Variants in PAPPA2 observed in about 807,000 individuals in gnomAD.
PAPPA2 encodes the protein pappalysin-2.
PAPPA2 carries 86 observed loss-of-function variants against 176.4 expected under a neutral mutation model. The ratio of observed to expected loss-of-function variants is 0.49; its 90% CI spans 0.41 to 0.58. PAPPA2 has a LOEUF of 0.58. PAPPA2 is among the 20% of genes least tolerant of loss of function. PAPPA2 has a pLI of 0.00. For synonymous variants in PAPPA2, 809 were observed against 852.2 expected (o/e 0.95, Z 0.88); for missense variants, 2,073 against 2,256.9 (o/e 0.92, Z 1.65).
intron 7 of PAPPA2, among the ~76,000 whole-genome samples, chr1:176,698,118 T>C (rs916236273): frequency 6.6e-6 from 1 of 152,110 alleles, no homozygotes; most frequent in African/African-American, 2.4e-5. Context: ...GAAATTGCAA[T>C]GTTTGAACTG....
intron 1 of PAPPA2, among the ~76,000 whole-genome samples, chr1:176,482,749 A>G (rs901035719): frequency 1.3e-5 from 2 of 152,170 alleles, no homozygotes; most frequent in Non-Finnish European, 2.9e-5. Context: ...TAGGGAAATA[A>G]TTCCTCTTTC....
chr1:176,564,879 A>G (rs764305010), intron 2 of PAPPA2, among the ~76,000 whole-genome samples: 3 of 152,052 alleles, frequency 2.0e-5, no homozygotes, highest in Admixed American at 6.5e-5. Flanking sequence ...CTAATTTTAG[A>G]ATATTTTAGT....
chr1:176,508,671 A>G (rs1379197293), intron 1 of PAPPA2, among the ~76,000 whole-genome samples: 1 of 152,180 alleles, frequency 6.6e-6, no homozygotes, highest in African/African-American at 2.4e-5. Flanking sequence ...TCAAATTGTC[A>G]TCCTCACATG....
chr1:176,659,850 A>G (rs1658258057), intron 3 of PAPPA2, among the ~76,000 whole-genome samples: 1 of 152,072 alleles, frequency 6.6e-6, no homozygotes, highest in Non-Finnish European at 1.5e-5. Flanking sequence ...TCATTTCTTA[A>G]CAACTATAAT....
chr1:176,654,204 G>A (rs1012441139), intron 3 of PAPPA2, among the ~76,000 whole-genome samples: 7 of 151,538 alleles, frequency 4.6e-5, no homozygotes, highest in South Asian at 2.1e-4. Flanking sequence ...CATTGAAGTC[G>A]TTAATCCATC....
intron 3 of PAPPA2, among the ~76,000 whole-genome samples, chr1:176,615,138 A>G (rs1266209777): frequency 6.6e-6 from 1 of 152,222 alleles, no homozygotes; most frequent in Non-Finnish European, 1.5e-5. Context: ...TCTGTACAAG[A>G]CAAAGGCAAC....
intron 3 of PAPPA2, among the ~76,000 whole-genome samples, chr1:176,645,014 A>G (rs1054193215): frequency 1.3e-5 from 2 of 151,912 alleles, no homozygotes; most frequent in Admixed American, 6.6e-5. Flanking sequence ...ATAATTAAAT[A>G]TATTCATATA....
rs181978191 is a variant in PAPPA2, at chr1:176,553,989, G to A, written c.-916-1418G>A. On this transcript the variant is annotated intron_variant, in intron 1 of 22. Transcript: ENST00000367662. The stretch of plus-strand genomic sequence containing the variant: ...TCAGAAAGAGAGGGAGAGAGAGAGA[G>A]AAAACTGAGTCAAAAGTAAAGGGAA... 9.2e-5 allele frequency among the ~76,000 whole-genome samples: 14 copies of A among 151,888 alleles called. No individual in the cohort carries two copies. In the East Asian group the frequency reaches 1.8e-3, roughly 19 times the overall value.
chr1:176,774,309 C>T (rs577205327), intron 17 of PAPPA2, among the ~76,000 whole-genome samples: 1 of 152,246 alleles, frequency 6.6e-6, no homozygotes, highest in East Asian at 1.9e-4. Context: ...AGTATCTTCC[C>T]TTAAGGGCCA....
At position 176,631,853 on chromosome 1, in the gene PAPPA2, G is replaced by A. The variant is rs143432382; in HGVS notation, c.1991+36258G>A. Among the ~76,000 whole-genome samples, 57 of 152,238 alleles carry A rather than the reference G, an allele frequency of 3.7e-4. No individual in the cohort carries two copies. The East Asian group carries it at 0.011, about 29-fold the overall frequency. On this transcript the variant is annotated intron_variant, in intron 3 of 22. Transcript: ENST00000367662. ...GGGAGACCACAGAACATTTTCATATGGAAAGAGCCAGGAGAATATAAAAGT... is the reference window on the plus strand; with the variant it reads ...GGGAGACCACAGAACATTTTCATATAGAAAGAGCCAGGAGAATATAAAAGT...
At chr1:176,579,706 G>A (rs926459319) in intron 2 of PAPPA2, among the ~76,000 whole-genome samples, 1 of 152,130 alleles carries the variant, frequency 6.6e-6, no homozygotes, top group Non-Finnish European at 1.5e-5. Flanking sequence ...AAAGAGCATG[G>A]AGTTTTTGTC....
chr1:176,718,563 T>A (rs1483575241), intron 12 of PAPPA2, among the ~76,000 whole-genome samples: 1 of 152,092 alleles, frequency 6.6e-6, no homozygotes, highest in Non-Finnish European at 1.5e-5. Context: ...CTACATTTCA[T>A]AAGTTTTCAC....
chr1:176,706,136 C>T (rs1377179925), intron 9 of PAPPA2, among the ~76,000 whole-genome samples: 1 of 152,178 alleles, frequency 6.6e-6, no homozygotes, highest in Non-Finnish European at 1.5e-5. Flanking sequence ...ATTCCCACAA[C>T]CCACTGGACA....
At chr1:176,612,866 G>A (rs1469281312) in intron 3 of PAPPA2, among the ~76,000 whole-genome samples, 2 of 152,160 alleles carry the variant, frequency 1.3e-5, no homozygotes, top group East Asian at 1.9e-4. Flanking sequence ...AATCAAGAGA[G>A]TAGCGCTTTT....
chr1:176,589,679 G>T (rs919486412), intron 2 of PAPPA2, among the ~76,000 whole-genome samples: 2 of 152,086 alleles, frequency 1.3e-5, no homozygotes, highest in African/African-American at 4.8e-5. Context: ...TTCATGTACT[G>T]GTCCCTCTGT....
At chr1:176,520,895 A>G (rs1649178270) in intron 1 of PAPPA2, among the ~76,000 whole-genome samples, 1 of 152,162 alleles carries the variant, frequency 6.6e-6, no homozygotes, top group African/African-American at 2.4e-5. Context: ...CAGGAGGATC[A>G]CCTGAGCCCA....
At chr1:176,674,721 CAT>C (rs1468593451) in intron 4 of PAPPA2, among the ~76,000 whole-genome samples, 1 of 150,718 alleles carries the variant, frequency 6.6e-6, no homozygotes, top group Non-Finnish European at 1.5e-5. Context: ...CTGCTATAAA[CAT>C]GTGTGCAAGT....
chr1:176,671,743 G>T (rs991313896), intron 4 of PAPPA2, among the ~76,000 whole-genome samples: 3 of 152,022 alleles, frequency 2.0e-5, no homozygotes, highest in African/African-American at 7.2e-5. Context: ...AAAAAATGAT[G>T]AGTTCATGTC....
chr1:176,677,676 GTCATTGGATACCTTAC>G (rs1659372671), intron 4 of PAPPA2, among the ~76,000 whole-genome samples: 2 of 152,004 alleles, frequency 1.3e-5, no homozygotes, highest in Admixed American at 6.6e-5. Context: ...CATACTCATT[GTCATTGGATACCTTAC>G]TCATTGGATA....
Sources: gnomAD v4.1 joint callset for allele counts (sites outside exome capture counted in the v4.1 genomes callset) on GRCh38, gnomAD v4.1.1 for gene constraint, MANE v1.5 for transcripts, NCBI Gene and HGNC (gene_info 2026-07-23, HGNC 2026-07-21) for gene names.